The following ITPKC variants were observed in gnomAD, a reference collection of about 807,000 sequenced individuals.
The protein encoded by ITPKC is inositol-trisphosphate 3-kinase C, also known as IP3 3-kinase C.
In ITPKC, 33 loss-of-function variants were observed where a neutral mutation model predicts 67.1. The observed-to-expected ratio is 0.49, with a 90% CI of 0.37 to 0.66. The LOEUF (loss-of-function observed/expected upper bound fraction) is 0.66, where lower values mean the gene tolerates loss of function less well. Ranked by LOEUF, ITPKC falls within the 30% of genes least tolerant of loss-of-function variation. The pLI is 0.00. For missense variants in ITPKC, 820 were observed against 892.1 expected (o/e 0.92, Z 1.03); for synonymous variants, 341 against 359.8 (o/e 0.95, Z 0.59).
At chr19:40,736,895 C>T in intron 4 of ITPKC, 91 bp from the exon 5 acceptor site, 2 of 785,436 alleles carry the variant, frequency 2.5e-6, no homozygotes, top group South Asian at 3.0e-5. Flanking sequence ...GGCCACCGCG[C>T]CCGGCCTCCT....
intron 2 of ITPKC, among the ~76,000 whole-genome samples, chr19:40,726,534 G>A (rs2082247242): frequency 6.6e-6 from 1 of 152,248 alleles, no homozygotes; most frequent in Non-Finnish European, 1.5e-5. Context: ...AAACATATGA[G>A]TGTGTCTGTA....
In ITPKC at chr19:40,733,246, C is replaced by G; in HGVS notation, c.1556C>G (p.Pro519Arg). Residue 519 changes from proline to arginine, a missense_variant, in exon 4 of 7, where the codon CCT becomes CGT. Pro to Arg is a moderately radical substitution (Grantham distance 103). Coordinates refer to ENST00000263370, the MANE Select transcript of ITPKC (RefSeq NM_025194.3). Reference sequence around the variant, plus strand: ...TATGAGAAGATGGTGGCTGTGGACCCTGGGGCCCCTACCCCTGAGGAGCAT... The same window carrying G: ...TATGAGAAGATGGTGGCTGTGGACCGTGGGGCCCCTACCCCTGAGGAGCAT... ...DMYEKMVAVD[P>R]GAPTPEEHAQ... 1 of 1,614,234 alleles carries G rather than the reference C, an allele frequency of 6.2e-7. No homozygotes were observed. Among genetic ancestry groups the G allele is most frequent in the Non-Finnish European group, 8.5e-7 (1 of 1,180,032 alleles).
Position 40,739,814 on chromosome 19 carries a change from C to T in ITPKC, c.*254C>T. The T allele has an allele frequency of 1.8e-6, 1 of 541,472 alleles. No individual in the cohort carries two copies. The highest frequency in any genetic ancestry group is 3.3e-5 in the Admixed American group (1 of 30,076). 33.5% of individuals were successfully genotyped at this position (541,472 alleles called of 1,614,324 possible). Reference sequence around the variant, plus strand: ...TGATGAGGCAGTGAGTCAGAAAAACCAGAACGGGGTCCCCGGATCTGCCGG... The same window carrying T: ...TGATGAGGCAGTGAGTCAGAAAAACTAGAACGGGGTCCCCGGATCTGCCGG... On this transcript the variant is annotated 3_prime_UTR_variant, in exon 7 of 7. Coordinates refer to ENST00000263370, the MANE Select transcript of ITPKC (RefSeq NM_025194.3).
In ITPKC at chr19:40,729,266, C is replaced by T. The variant is rs370620477; in HGVS notation, c.1320C>T (p.Ser440=). The change falls in exon 3 of 7, where the codon AGC becomes AGT. Residue 440 remains serine (S), a synonymous_variant. Coordinates refer to ENST00000263370, the MANE Select transcript of ITPKC (RefSeq NM_025194.3). ...LKRFCQCEQR[S]LEQLMKDPLR... ...GTTTCTGTCAGTGTGAGCAGCGCAG[C>T]CTGGAGCAGCTGATGAAAGACCCGC... The T allele has an allele frequency of 2.5e-6, 4 of 1,614,180 alleles. No homozygotes were observed. The highest frequency in any genetic ancestry group is 3.4e-6 in the Non-Finnish European group (4 of 1,180,030).
Position 40,718,013 on chromosome 19 carries a change from G to A in ITPKC, c.878G>A (p.Cys293Tyr), listed in dbSNP as rs1372645464. The A allele has an allele frequency of 6.2e-7, 1 of 1,614,170 alleles. No individual in the cohort carries two copies. The highest frequency in any genetic ancestry group is 1.1e-5 in the South Asian group (1 of 91,076). Residue 293 changes from cysteine (C) to tyrosine (Y), a missense_variant, in exon 1 of 7, where the codon TGC becomes TAC. Transcript: ENST00000263370. ...DGSQTAPGTD[C>Y]LLGEPEDGPL... ...TCCCAGACAGCACCTGGGACAGACTGCCTCTTGGGAGAGCCTGAGGATGGC... is the reference window on the plus strand; with the variant it reads ...TCCCAGACAGCACCTGGGACAGACTACCTCTTGGGAGAGCCTGAGGATGGC...
rs760778484 is a variant in ITPKC at position 40,733,339 on chromosome 19, T to A, written c.1649T>A (p.Leu550Gln). The change falls in exon 4 of 7, where the codon CTG (leucine) becomes CAG (glutamine). Residue 550 changes from leucine to glutamine, a missense_variant. By Grantham distance (113) the Leu-to-Gln change is moderately radical (BLOSUM62 -2). Around this residue, in one of 2 missense-constraint regions of ITPKC, gnomAD observed 339 missense variants for 422.0 expected, o/e 0.80. Transcript: ENST00000263370. ...WRETMSSTSTLGFRIEGIKKA... is the reference protein window; with the variant it reads ...WRETMSSTSTQGFRIEGIKKA... ...GAAACCATGAGCTCCACCTCTACCC[T>A]GGGCTTCCGGATCGAGGGCATCAAG... 36 of 1,612,182 alleles carry A rather than the reference T, an allele frequency of 2.2e-5. No homozygotes were observed. In the Admixed American group the frequency reaches 6.0e-4, roughly 27 times the overall value.
chr19:40,718,874 G>C (rs1256697673), intron 1 of ITPKC, among the ~76,000 whole-genome samples: 1 of 152,274 alleles, frequency 6.6e-6, no homozygotes, highest in East Asian at 1.9e-4. Context: ...CCTTGGCCTA[G>C]CCGGGAGCCC....
intron 5 of ITPKC, 75 bp from the exon 6 acceptor site, chr19:40,737,623 G>T (rs2082300747): frequency 7.7e-7 from 1 of 1,292,134 alleles, no homozygotes; most frequent in Non-Finnish European, 1.1e-6. Context: ...GGGGAATGGG[G>T]TGAGGTCAGA....
At chr19:40,737,186 A>G (rs2082298582) in intron 5 of ITPKC, 99 bp downstream of exon 5, 1 of 839,364 alleles carries the variant, frequency 1.2e-6, no homozygotes, top group African/African-American at 1.7e-5. Context: ...GTGGGGCTGG[A>G]CTGATACTGG....
Position 40,718,107 on chromosome 19 carries a change from G to C in ITPKC, c.972G>C (p.Leu324=). The C allele has an allele frequency of 6.2e-7, 1 of 1,613,044 alleles. No individual in the cohort carries two copies. Among genetic ancestry groups the C allele is most frequent in the Non-Finnish European group, 8.5e-7 (1 of 1,179,902 alleles). ...ACTCTCACCTGAAGTGTAGCCCCCT[G>C]TGCCCTGTGCCCCGCCTCATCATTA... ...HLYSHLKCSP[L]CPVPRLIITP... The change falls in exon 1 of 7, where the codon CTG becomes CTC. Residue 324 remains leucine, a synonymous_variant. Transcript: ENST00000263370.
intron 4 of ITPKC, among the ~76,000 whole-genome samples, chr19:40,734,325 G>A (rs537063962): frequency 6.7e-4 from 102 of 152,060 alleles, no homozygotes; most frequent in Middle Eastern, 3.4e-3. Context: ...GAATCACTTT[G>A]TATATAAGAC....
chr19:40,737,137 A>ATCT, intron 5 of ITPKC, 50 bp downstream of exon 5: 1 of 1,191,462 alleles, frequency 8.4e-7, no homozygotes, highest in South Asian at 1.3e-5. Flanking sequence ...GACAGCCACC[A>ATCT]TTTATTCTTG....
At chr19:40,718,599 C>G (rs1477337488) in intron 1 of ITPKC, among the ~76,000 whole-genome samples, 1 of 152,136 alleles carries the variant, frequency 6.6e-6, no homozygotes, top group Non-Finnish European at 1.5e-5. Context: ...AGGAGCCTGC[C>G]GTGCGTGTTC....
intron 5 of ITPKC, among the ~76,000 whole-genome samples, chr19:40,737,400 T>C (rs1197046664): frequency 2.0e-5 from 3 of 152,236 alleles, no homozygotes; most frequent in African/African-American, 4.8e-5. Flanking sequence ...GGGCTCAGAA[T>C]GGCCACCATC....
Position 40,717,800 on chromosome 19 carries a change from C to T in ITPKC, c.665C>T (p.Ser222Phe). The change falls in exon 1 of 7, where the codon TCC becomes TTC. Residue 222 changes from serine to phenylalanine, a missense_variant. Ser to Phe is a radical substitution (Grantham distance 155). Coordinates refer to ENST00000263370, the MANE Select transcript of ITPKC (RefSeq NM_025194.3). ...CPSKEPSADG[S>F]WKELYTDGSR... ...TCAAAAGAGCCAAGTGCTGATGGCT[C>T]CTGGAAAGAATTGTATACTGATGGC... is the stretch of plus-strand genomic sequence containing the variant. 2 of 1,614,018 alleles carry T rather than the reference C, an allele frequency of 1.2e-6. No individual in the cohort carries two copies. The highest frequency in any genetic ancestry group is 1.7e-5 in the Admixed American group (1 of 59,998).
At chr19:40,736,965 C>T (rs1423735252) in intron 4 of ITPKC, 21 bp from the exon 5 acceptor site, 8 of 1,512,676 alleles carry the variant, frequency 5.3e-6, no homozygotes, top group Non-Finnish European at 6.3e-6. Flanking sequence ...TGACCCTGCC[C>T]CTCCACACCC....
In ITPKC at chr19:40,739,444, C is replaced by G; in HGVS notation, c.1936C>G (p.Pro646Ala). ...MIDFGKTVAL[P>A]DHQTLSHRLP... The stretch of plus-strand genomic sequence containing the variant: ...AGACTTCGGCAAGACGGTGGCCTTG[C>G]CCGACCACCAGACGCTCAGCCACAG... Residue 646 changes from proline to alanine, a missense_variant, in exon 7 of 7, where the codon CCC (proline) becomes GCC (alanine). Pro to Ala is a conservative substitution (Grantham distance 27). Around this residue, in one of 2 missense-constraint regions of ITPKC, gnomAD observed 339 missense variants for 422.0 expected, o/e 0.80. Coordinates refer to ENST00000263370, the MANE Select transcript of ITPKC (RefSeq NM_025194.3). 1 of 1,613,548 alleles carries G rather than the reference C, an allele frequency of 6.2e-7. No homozygotes were observed. Among genetic ancestry groups the G allele is most frequent in the Non-Finnish European group, 8.5e-7 (1 of 1,179,990 alleles).
chr19:40,733,503 T>C (rs2082281481), intron 4 of ITPKC, 139 bp downstream of exon 4: 1 of 738,450 alleles, frequency 1.4e-6, no homozygotes, highest in Non-Finnish European at 2.2e-6. Flanking sequence ...CCAGCCTCTT[T>C]CTTACCTCCA....
intron 6 of ITPKC, 82 bp from the exon 7 acceptor site, chr19:40,739,271 GTCAA>G: frequency 2.1e-6 from 2 of 968,094 alleles, no homozygotes; most frequent in Non-Finnish European, 3.1e-6. Context: ...GGTTCATGCT[GTCAA>G]TCACCCTGCT....
Sources: gnomAD v4.1 joint callset for allele counts (sites outside exome capture counted in the v4.1 genomes callset) on GRCh38, gnomAD v4.1.1 for gene constraint, gnomAD v4.1.1 regional missense constraint, MANE v1.5 for transcripts, NCBI Gene and HGNC (gene_info 2026-07-23, HGNC 2026-07-21) for gene names.